The following ADAM2 variants were observed in gnomAD, a reference collection of about 807,000 sequenced individuals.
The protein encoded by ADAM2 is ADAM metallopeptidase domain 2.
ADAM2 carries 101 observed loss-of-function variants against 99.3 expected under a neutral mutation model. That is an observed-to-expected ratio of 1.02 (90% confidence interval 0.87 to 1.20). ADAM2 has a LOEUF of 1.20. Among genes scored for constraint, ADAM2 ranks in the 50% most tolerant of loss-of-function variants. The pLI is 0.00. For synonymous variants in ADAM2, 323 were observed against 287.6 expected, an observed-to-expected ratio of 1.12 and a Z score of -1.25; for missense variants, 948 against 878.7, an observed-to-expected ratio of 1.08 and a Z score of -1.00.
chr8:39,767,072 T>C (rs1414165664), intron 13 of ADAM2, 29 bp from the exon 14 acceptor site: 1 of 1,606,770 alleles, frequency 6.2e-7, no homozygotes, highest in Non-Finnish European at 8.5e-7. Context: ...TGATATTGAA[T>C]TAAGCAGAAT....
At chr8:39,786,601 GT>G (rs1392895516) in intron 10 of ADAM2, among the ~76,000 whole-genome samples, 1 of 151,884 alleles carries the variant, frequency 6.6e-6, no homozygotes, top group Non-Finnish European at 1.5e-5. Flanking sequence ...ACTTTCAAAT[GT>G]TTTATTTTAA....
chr8:39,767,387 C>A, intron 12 of ADAM2, 136 bp from the exon 13 acceptor site: 2 of 750,730 alleles, frequency 2.7e-6, no homozygotes, highest in South Asian at 3.4e-5. Context: ...AAAAATAAAA[C>A]CACTTATTCA....
intron 15 of ADAM2, among the ~76,000 whole-genome samples, chr8:39,759,541 G>A (rs975470236): frequency 1.3e-5 from 2 of 152,122 alleles, no homozygotes; most frequent in Admixed American, 1.3e-4. Flanking sequence ...AATAAGTTAT[G>A]TAAGAAAATA....
chr8:39,795,968 T>C (rs1803920493), intron 7 of ADAM2, among the ~76,000 whole-genome samples: 1 of 152,138 alleles, frequency 6.6e-6, no homozygotes, highest in African/African-American at 2.4e-5. Flanking sequence ...GGTCTTTCCT[T>C]GATTATCTTT....
intron 7 of ADAM2, among the ~76,000 whole-genome samples, chr8:39,789,095 T>A (rs1048942095): frequency 9.9e-5 from 15 of 151,538 alleles, no homozygotes; most frequent in African/African-American, 3.6e-4. Flanking sequence ...TTTTTGAAGA[T>A]ACAATTCACC....
chr8:39,796,175 C>G (rs1277498284), intron 7 of ADAM2, among the ~76,000 whole-genome samples: 1 of 151,148 alleles, frequency 6.6e-6, no homozygotes, highest in African/African-American at 2.4e-5. Flanking sequence ...GACTCATCCT[C>G]TAAGTTCCCT....
intron 11 of ADAM2, chr8:39,774,829 T>C (rs1046301122): frequency 6.6e-6 from 1 of 152,130 alleles, no homozygotes; most frequent in Admixed American, 6.6e-5. Context: ...GTGGTTGAGA[T>C]AAATAAAAGT....
At chr8:39,805,750 C>T (rs1250424212) in intron 7 of ADAM2, among the ~76,000 whole-genome samples, 3 of 152,090 alleles carry the variant, frequency 2.0e-5, no homozygotes, top group African/African-American at 7.2e-5. Flanking sequence ...AGCAGGGAGA[C>T]CACACGCTTA....
At chr8:39,746,112 GCCTCC>G (rs1823436637) in intron 19 of ADAM2, among the ~76,000 whole-genome samples, 1 of 152,064 alleles carries the variant, frequency 6.6e-6, no homozygotes, top group Non-Finnish European at 1.5e-5. Flanking sequence ...TGCAGCCTCT[GCCTCC>G]CAGGCTCAAG....
chr8:39,783,692 C>T (rs1803328624), intron 10 of ADAM2, among the ~76,000 whole-genome samples: 2 of 152,142 alleles, frequency 1.3e-5, no homozygotes, highest in African/African-American at 4.8e-5. Context: ...TGGCTCATTC[C>T]TGTAATCCCG....
chr8:39,746,527 C>A lies in ADAM2; in HGVS notation c.2119G>T (p.Val707Leu). The A allele has an allele frequency of 6.2e-7, 1 of 1,602,482 alleles. No individual in the cohort carries two copies. Among genetic ancestry groups the A allele is most frequent in the Non-Finnish European group, 8.5e-7 (1 of 1,175,442 alleles). Residue 707 changes from valine (V) to leucine (L), a missense_variant, in exon 19 of 21, where the codon GTG (valine) becomes TTG (leucine). By Grantham distance (32) the Val-to-Leu change is conservative. Coordinates refer to ENST00000265708, the MANE Select transcript of ADAM2 (RefSeq NM_001464.5). ...IIFCVLIAIM[V>L]KVNFQRKKWR... ...TTTTTCCTTTGGAAATTAACTTTCA[C>A]CATTATAGCAATCAGTACACAGAAA...
chr8:39,768,096 T>A (rs1036331739), intron 12 of ADAM2, among the ~76,000 whole-genome samples: 1 of 152,176 alleles, frequency 6.6e-6, no homozygotes, highest in African/African-American at 2.4e-5. Flanking sequence ...GAATTGTCAC[T>A]GTCATTGCTA....
chr8:39,784,378 A>G (rs1358958053), intron 10 of ADAM2, among the ~76,000 whole-genome samples: 2 of 151,982 alleles, frequency 1.3e-5, no homozygotes, highest in African/African-American at 4.8e-5. Context: ...CCTCTAATTT[A>G]AAAATTTTGT....
chr8:39,770,495 C>T (rs1156952861), intron 11 of ADAM2, among the ~76,000 whole-genome samples: 3 of 152,152 alleles, frequency 2.0e-5, no homozygotes, highest in African/African-American at 7.2e-5. Context: ...AAGTATAACA[C>T]AGTGTTTCAG....
intron 7 of ADAM2, among the ~76,000 whole-genome samples, chr8:39,796,201 C>T (rs1036263438): frequency 1.3e-5 from 2 of 152,080 alleles, no homozygotes; most frequent in Non-Finnish European, 2.9e-5. Flanking sequence ...CAGCCCCCAC[C>T]CCACAACAGG....
chr8:39,800,516 T>C (rs1804160517), intron 7 of ADAM2, among the ~76,000 whole-genome samples: 1 of 152,148 alleles, frequency 6.6e-6, no homozygotes, highest in African/African-American at 2.4e-5. Context: ...GAGTTGATTT[T>C]CTCATGGTGT....
intron 14 of ADAM2, among the ~76,000 whole-genome samples, chr8:39,766,186 G>C (rs892643366): frequency 1.3e-5 from 2 of 152,014 alleles, no homozygotes; most frequent in African/African-American, 2.4e-5. Flanking sequence ...GTATTTATAT[G>C]ACAACTTATA....
At chr8:39,833,198 T>A (rs1381796138) in intron 3 of ADAM2, among the ~76,000 whole-genome samples, 2 of 152,064 alleles carry the variant, frequency 1.3e-5, no homozygotes, top group Non-Finnish European at 2.9e-5. Flanking sequence ...AAAAGTAATT[T>A]TGAGTCTTTT....
chr8:39,797,153 G>A, intron 7 of ADAM2, among the ~76,000 whole-genome samples: 1 of 152,244 alleles, frequency 6.6e-6, no homozygotes. Context: ...TATTGCCTAG[G>A]TTTTCTTCTA....
Sources: gnomAD v4.1 joint callset for allele counts (sites outside exome capture counted in the v4.1 genomes callset) on GRCh38, gnomAD v4.1.1 for gene constraint, MANE v1.5 for transcripts, NCBI Gene and HGNC (gene_info 2026-07-23, HGNC 2026-07-21) for gene names.